FPGS: variants seen among roughly 807,000 people sequenced by gnomAD.
FPGS encodes folylpolyglutamate synthase, also known as folylpolyglutamate synthase, mitochondrial.
Under a neutral mutation model 66.5 loss-of-function variants are expected in FPGS, and 53 were observed. The ratio of observed to expected loss-of-function variants is 0.80; its 90% CI spans 0.64 to 1.00. FPGS has a LOEUF of 1.00. Among genes scored for constraint, FPGS ranks in the 50% least tolerant of loss-of-function variants. The pLI is 0.00. For synonymous variants in FPGS, 348 were observed against 350.9 expected (o/e 0.99, Z 0.09); for missense variants, 702 against 807.7 (o/e 0.87, Z 1.59).
chr9:127,811,012 G>T lies in FPGS; in HGVS notation c.1354+1G>T. On this transcript the variant is annotated splice_donor_variant, in intron 14 of 14. Coordinates refer to ENST00000373247, the MANE Select transcript of FPGS (RefSeq NM_004957.6). LOFTEE classifies it high-confidence loss of function. ...GAGGTGTCATCCACAGGCAACGCAG[G>T]TGAGAGGTGACAGGCATGGCCCCTG... 6.3e-7 allele frequency: 1 copy of T among 1,582,428 alleles called. No homozygotes were observed. Among genetic ancestry groups the T allele is most frequent in the Admixed American group, 1.7e-5 (1 of 57,634 alleles).
intron 4 of FPGS, among the ~76,000 whole-genome samples, chr9:127,805,128 A>G (rs1829758690): frequency 6.6e-6 from 1 of 151,988 alleles, no homozygotes; most frequent in Non-Finnish European, 1.5e-5. Flanking sequence ...ACCTCAAGTG[A>G]TCCGCCCACC....
intron 9 of FPGS, 73 bp from the exon 10 acceptor site, chr9:127,808,485 G>A: frequency 1.3e-6 from 2 of 1,586,146 alleles, no homozygotes; most frequent in Non-Finnish European, 1.7e-6. Context: ...GGTGGCTGGG[G>A]GAGGGGAGAG....
Position 127,808,297 on chromosome 9 carries a change from G to A in FPGS, c.808G>A (p.Ala270Thr). ...TCCCCTGGCAGTGCTGAGGGACCGA[G>A]CCCAGCAGATCTCAGTAAGTCTGAT... Reference protein sequence around the residue: ...EGPLAVLRDRAQQISCPLYLC... With the variant: ...EGPLAVLRDRTQQISCPLYLC... Residue 270 changes from alanine (A) to threonine (T), a missense_variant, in exon 9 of 15, where the codon GCC becomes ACC. Around this residue, in one of 3 missense-constraint regions of FPGS, gnomAD observed 240 missense variants for 348.6 expected, o/e 0.69. Coordinates refer to ENST00000373247, the MANE Select transcript of FPGS (RefSeq NM_004957.6). 3 of 1,613,864 alleles carry A rather than the reference G, an allele frequency of 1.9e-6. No individual in the cohort carries two copies. Among genetic ancestry groups the A allele is most frequent in the Non-Finnish European group, 2.5e-6 (3 of 1,179,750 alleles).
chr9:127,813,497 G>A lies in FPGS; in HGVS notation c.1657G>A (p.Gly553Arg), dbSNP rs1474434364. The change falls in exon 15 of 15, where the codon GGG becomes AGG. Residue 553 changes from glycine (G) to arginine (R), a missense_variant. By Grantham distance (125) the Gly-to-Arg change is moderately radical. Coordinates refer to ENST00000373247, the MANE Select transcript of FPGS (RefSeq NM_004957.6). ...CCTCACCCACCCTGTGGCTCACAGTGGGGCCAGCATACTCCGTGAGGCTGC... is the reference window on the plus strand; with the variant it reads ...CCTCACCCACCCTGTGGCTCACAGTAGGGCCAGCATACTCCGTGAGGCTGC... ...GLLTHPVAHS[G>R]ASILREAAAI... 1 of 1,613,106 alleles carries A rather than the reference G, an allele frequency of 6.2e-7. No homozygotes were observed. The highest frequency in any genetic ancestry group is 8.5e-7 in the Non-Finnish European group (1 of 1,179,764).
intron 11 of FPGS, among the ~76,000 whole-genome samples, chr9:127,809,305 A>C (rs1829961445): frequency 6.6e-6 from 1 of 152,134 alleles, no homozygotes; most frequent in Non-Finnish European, 1.5e-5. Context: ...AGCTTTCAGC[A>C]CCCAGCAGGT....
Position 127,813,184 on chromosome 9 carries a change from G to T in FPGS, c.1355-11G>T. ...CCCCTTCGCTGATAGGCCTTTCTCT[G>T]TGCCCCACAGACCAACAGAACTTCA... On this transcript the variant is annotated splice_polypyrimidine_tract_variant and intron_variant, in intron 14 of 14. Transcript: ENST00000373247. 6.4e-7 allele frequency: 1 copy of T among 1,557,428 alleles called. No individual in the cohort carries two copies. The highest frequency in any genetic ancestry group is 8.7e-7 in the Non-Finnish European group (1 of 1,147,896).
Position 127,813,893 on chromosome 9 carries a change from C to T in FPGS, c.*289C>T, listed in dbSNP as rs1398643668. ...CCAACACCCCGCCTGCCTCCTGGCTCAGGCCCAGCTTATTGTGTGCGCTGC... is the reference window on the plus strand; with the variant it reads ...CCAACACCCCGCCTGCCTCCTGGCTTAGGCCCAGCTTATTGTGTGCGCTGC... On this transcript the variant is annotated 3_prime_UTR_variant, in exon 15 of 15. Transcript: ENST00000373247. 1.7e-6 allele frequency: 2 copies of T among 1,196,484 alleles called. No homozygotes were observed. The highest frequency in any genetic ancestry group is 7.6e-5 in the South Asian group (2 of 26,392). The allele number at this position is 1,196,484 out of a possible 1,614,324, so 74.1% of individuals were successfully genotyped here.
intron 8 of FPGS, 25 bp from the exon 9 acceptor site, chr9:127,808,209 T>A: frequency 6.3e-7 from 1 of 1,595,764 alleles, no homozygotes; most frequent in Non-Finnish European, 8.6e-7. Context: ...AGGTAGCCCT[T>A]TCTCTCTCCT....
At chr9:127,808,346 G>A (rs1829905586) in intron 9 of FPGS, 35 bp downstream of exon 9, 3 of 1,586,268 alleles carry the variant, frequency 1.9e-6, no homozygotes, top group Admixed American at 3.3e-5. Context: ...CGGCAGGGTG[G>A]GTTTGTGTCC....
intron 14 of FPGS, among the ~76,000 whole-genome samples, chr9:127,812,701 G>GT (rs376909642): frequency 6.6e-5 from 10 of 151,456 alleles, no homozygotes; most frequent in Admixed American, 2.6e-4. Flanking sequence ...GTGTGTGTGT[G>GT]TTTTTTTCAG....
chr9:127,807,482 G>C lies in FPGS; in HGVS notation c.641G>C (p.Arg214Thr), dbSNP rs770468381. 1.2e-6 allele frequency: 2 copies of C among 1,614,094 alleles called. No homozygotes were observed. The highest frequency in any genetic ancestry group is 1.7e-6 in the Non-Finnish European group (2 of 1,180,000). The stretch of plus-strand genomic sequence containing the variant: ...GCTTATGACTGCACCAACATCATCA[G>C]GTGAGCGCAGTTGCTTGGGACGAGG... ...GGAYDCTNII[R>T]KPVVCGVSSL... The change falls in exon 7 of 15, where the codon AGG becomes ACG. Residue 214 changes from arginine to threonine, a missense_variant and splice_region_variant. Around this residue, in one of 3 missense-constraint regions of FPGS, gnomAD observed 240 missense variants for 348.6 expected, o/e 0.69. Coordinates refer to ENST00000373247, the MANE Select transcript of FPGS (RefSeq NM_004957.6). The surrounding 1 kb of genome is among the most constrained non-coding windows in gnomAD (Gnocchi z 5.8).
chr9:127,804,275 T>C lies in FPGS; in HGVS notation c.139-10T>C, dbSNP rs1235405051. 2 of 1,613,482 alleles carry C rather than the reference T, an allele frequency of 1.2e-6. No individual in the cohort carries two copies. The highest frequency in any genetic ancestry group is 4.5e-5 in the East Asian group (2 of 44,882). On this transcript the variant is annotated splice_polypyrimidine_tract_variant and intron_variant, in intron 1 of 14. Transcript: ENST00000373247. ...GCCTTAACCTACTATCTGGGCACTG[T>C]GGTTGCCAGGATGCCGTGCGCATGC...
chr9:127,813,744 G>A lies in FPGS; in HGVS notation c.*140G>A, dbSNP rs760306843. ...AGGGGCCAGGGCTTTGGGATGGGAG[G>A]CCGGGAGAGGATGTCTTTTTTAAGG... On this transcript the variant is annotated 3_prime_UTR_variant, in exon 15 of 15. Transcript: ENST00000373247. 5.3e-6 allele frequency: 7 copies of A among 1,312,970 alleles called. No individual in the cohort carries two copies. The highest frequency in any genetic ancestry group is 4.0e-5 in the Admixed American group (1 of 25,260). The allele number at this position is 1,312,970 out of a possible 1,614,324, so 81.3% of individuals were successfully genotyped here.
Position 127,804,501 on chromosome 9 carries a change from G to A in FPGS, c.270G>A (p.Val90=). The change falls in exon 3 of 15, where the codon GTG becomes GTA. Residue 90 remains valine (V), a splice_region_variant and synonymous_variant. Coordinates refer to ENST00000373247, the MANE Select transcript of FPGS (RefSeq NM_004957.6). ...GGGACCTTGTCTGTCTGTCCCAGGT[G>A]GAGGACTTGGACCGGCTGAACATCA... The part of the protein sequence containing the change: ...ELYLARSGLQ[V]EDLDRLNIIH... The A allele has an allele frequency of 1.9e-6, 3 of 1,614,112 alleles. No individual in the cohort carries two copies. Among genetic ancestry groups the A allele is most frequent in the South Asian group, 2.2e-5 (2 of 91,084 alleles).
At chr9:127,804,746 T>TG in intron 4 of FPGS, 46 bp downstream of exon 4, 1 of 1,596,700 alleles carries the variant, frequency 6.3e-7, no homozygotes, top group African/African-American at 1.3e-5. Context: ...CAATGGACCC[T>TG]GGGGGGCTAT....
chr9:127,813,712 C>T lies in FPGS; in HGVS notation c.*108C>T. 3 of 1,399,658 alleles carry T rather than the reference C, an allele frequency of 2.1e-6. No homozygotes were observed. The highest frequency in any genetic ancestry group is 2.8e-6 in the Non-Finnish European group (3 of 1,079,722). The allele number at this position is 1,399,658 out of a possible 1,614,324, so 86.7% of individuals were successfully genotyped here. A position where few individuals can be genotyped will look rare whatever the true frequency, so the allele number is the denominator to read the frequency against. Reference sequence around the variant, plus strand: ...TTTGGCTTTCCTGGTTCTGTCTAGACTGGCCTAGGGGCCAGGGCTTTGGGA... The same window carrying T: ...TTTGGCTTTCCTGGTTCTGTCTAGATTGGCCTAGGGGCCAGGGCTTTGGGA... On this transcript the variant is annotated 3_prime_UTR_variant, in exon 15 of 15. Transcript: ENST00000373247.
Position 127,809,765 on chromosome 9 carries a change from C to G in FPGS, c.1142C>G (p.Thr381Ser), listed in dbSNP as rs544198365. The G allele has an allele frequency of 6.3e-7, 1 of 1,576,834 alleles. No individual in the cohort carries two copies. The highest frequency in any genetic ancestry group is 1.7e-5 in the Admixed American group (1 of 57,348). The change falls in exon 12 of 15, where the codon ACC becomes AGC. Residue 381 changes from threonine (T) to serine (S), a missense_variant. Physicochemically the swap from Thr to Ser is moderately conservative, Grantham distance 58. Around this residue, in one of 3 missense-constraint regions of FPGS, gnomAD observed 351 missense variants for 363.7 expected, o/e 0.97. Transcript: ENST00000373247. ...ACCTGGTACCTGGACGGTGCGCACA[C>G]CGCCAGCAGCGCGCAGGCCTGCGTG... ...PLTWYLDGAHTASSAQACVRW... is the reference protein window; with the variant it reads ...PLTWYLDGAHSASSAQACVRW...
In FPGS at chr9:127,813,064, C is replaced by T. The variant is rs115300691; in HGVS notation, c.1355-131C>T. The T allele has an allele frequency of 1.7e-4, 226 of 1,367,592 alleles. 1 individual carries two copies. Among genetic ancestry groups the T allele is most frequent in the Admixed American group, 1.5e-3 (51 of 34,568 alleles). The allele number at this position is 1,367,592 out of a possible 1,614,324, so 84.7% of individuals were successfully genotyped here. The stretch of plus-strand genomic sequence containing the variant: ...TGTGTGCATGGAGAAGGCCACTAGC[C>T]GAGACTGCTGGCCTGATGACGTAAA... On this transcript the variant is annotated intron_variant, in intron 14 of 14. Transcript: ENST00000373247.
chr9:127,804,821 A>T (rs990526979), intron 4 of FPGS, 121 bp downstream of exon 4: 105 of 880,768 alleles, frequency 1.2e-4, no homozygotes, highest in Non-Finnish European at 1.7e-5. Flanking sequence ...CTCTCTGCCC[A>T]GTGTTTATTC....
Sources: allele counts gnomAD v4.1 joint callset (sites outside exome capture counted in the v4.1 genomes callset), GRCh38; gene constraint gnomAD v4.1.1; regional missense constraint gnomAD v4.1.1; non-coding constraint Gnocchi (gnomAD v3.1); transcripts MANE v1.5; gene names NCBI Gene and HGNC (gene_info 2026-07-23, HGNC 2026-07-21).